The following EFCAB13 variants were observed in gnomAD, a reference collection of about 807,000 sequenced individuals.
The protein encoded by EFCAB13 is EF-hand calcium-binding domain-containing protein 13.
Under a neutral mutation model 110.2 loss-of-function variants are expected in EFCAB13, and 91 were observed. The ratio of observed to expected loss-of-function variants is 0.83; its 90% confidence interval spans 0.70 to 0.98. The LOEUF (loss-of-function observed/expected upper bound fraction) is 0.98. Among genes scored for constraint, EFCAB13 ranks in the 50% least tolerant of loss-of-function variants. The probability of loss-of-function intolerance (pLI) is 0.00; values close to 1 mark genes in which losing one functional copy is unlikely to be tolerated. For missense variants in EFCAB13, 968 were observed against 1,119.4 expected (o/e 0.86, Z 1.93); for synonymous variants, 323 against 369.9 (o/e 0.87, Z 1.45).
intron 14 of EFCAB13, among the ~76,000 whole-genome samples, chr17:47,387,725 A>G (rs1842121751): frequency 6.6e-6 from 1 of 152,164 alleles, no homozygotes; most frequent in Admixed American, 6.5e-5. Flanking sequence ...TTCCTTGTGG[A>G]CATATGTCTA....
In EFCAB13 at chr17:47,380,533, A is replaced by G. The variant is rs2065641498; in HGVS notation, c.1582+1280A>G. On this transcript the variant is annotated intron_variant, in intron 14 of 24. Coordinates refer to ENST00000331493, the MANE Select transcript of EFCAB13 (RefSeq NM_152347.5). ...CTTTGCTATTGTGAACAGCACTGCA[A>G]TAAACATACATGTGCATGTGTCTTT... Among the ~76,000 whole-genome samples, 4 of 152,224 alleles carry G rather than the reference A, an allele frequency of 2.6e-5. No homozygotes were observed. The South Asian group carries it at 8.3e-4, about 31-fold the overall frequency.
intron 14 of EFCAB13, among the ~76,000 whole-genome samples, chr17:47,388,580 T>C (rs903107635): frequency 1.3e-5 from 2 of 152,206 alleles, no homozygotes; most frequent in Non-Finnish European, 2.9e-5. Context: ...TATGTATCGG[T>C]AGTTCATCCC....
At chr17:47,384,766 C>T (rs1038862341) in intron 14 of EFCAB13, among the ~76,000 whole-genome samples, 1 of 151,648 alleles carries the variant, frequency 6.6e-6, no homozygotes, top group Non-Finnish European at 1.5e-5. Flanking sequence ...CTCTGGCTGC[C>T]CTTAACTTTT....
chr17:47,423,705 C>T (rs1000825632), intron 23 of EFCAB13, among the ~76,000 whole-genome samples: 9 of 151,664 alleles, frequency 5.9e-5, no homozygotes, highest in Non-Finnish European at 1.0e-4. Context: ...GTTGGGGCGC[C>T]GGGACCCGCG....
intron 13 of EFCAB13, among the ~76,000 whole-genome samples, chr17:47,378,126 G>A (rs1476409251): frequency 6.6e-6 from 1 of 152,162 alleles, no homozygotes; most frequent in African/African-American, 2.4e-5. Flanking sequence ...GATCATTTCA[G>A]TAAAGCTCTT....
chr17:47,337,344 A>G (rs890373646), intron 5 of EFCAB13, among the ~76,000 whole-genome samples: 3 of 152,204 alleles, frequency 2.0e-5, no homozygotes, highest in Non-Finnish European at 4.4e-5. Context: ...ACAGAGTAGA[A>G]TAATAGACAT....
At chr17:47,430,101 T>C in intron 24 of EFCAB13, 140 bp downstream of exon 24, 1 of 1,328,094 alleles carries the variant, frequency 7.5e-7, no homozygotes, top group Non-Finnish European at 9.7e-7. Context: ...GTACTGCCCC[T>C]ACAGGTGTGC....
At chr17:47,369,366 C>T (rs1309231986) in intron 10 of EFCAB13, among the ~76,000 whole-genome samples, 1 of 152,068 alleles carries the variant, frequency 6.6e-6, no homozygotes, top group Non-Finnish European at 1.5e-5. Flanking sequence ...GCGAGGAAAC[C>T]ATTGGCAATA....
intron 4 of EFCAB13, chr17:47,329,875 A>G (rs1244422597): frequency 6.6e-6 from 1 of 152,174 alleles, no homozygotes; most frequent in East Asian, 1.9e-4. Flanking sequence ...CAAGGCAGCA[A>G]ATCAAATTGC....
Position 47,394,083 on chromosome 17 carries a change from C to G in EFCAB13, c.1785C>G (p.Cys595Trp). ...ATACTATGATGAGCAACACGGAATGCTTCTCTGAAAAATTAGGTACGTAAG... is the reference window on the plus strand; with the variant it reads ...ATACTATGATGAGCAACACGGAATGGTTCTCTGAAAAATTAGGTACGTAAG... ...FIDTMMSNTECFSEKLVLPDA... is the reference protein window; with the variant it reads ...FIDTMMSNTEWFSEKLVLPDA... The change falls in exon 16 of 25, where the codon TGC (cysteine) becomes TGG (tryptophan). Residue 595 changes from cysteine to tryptophan, a missense_variant. By Grantham distance (215) the Cys-to-Trp change is radical. Transcript: ENST00000331493. The G allele has an allele frequency of 2.0e-6, 3 of 1,529,976 alleles. No individual in the cohort carries two copies. The highest frequency in any genetic ancestry group is 2.6e-6 in the Non-Finnish European group (3 of 1,141,506). 94.8% of individuals were successfully genotyped at this position (1,529,976 alleles called of 1,614,324 possible).
chr17:47,398,333 G>T (rs1458726803), intron 17 of EFCAB13, among the ~76,000 whole-genome samples: 2 of 150,320 alleles, frequency 1.3e-5, no homozygotes, highest in East Asian at 4.2e-4. Flanking sequence ...GAGCCCCTCT[G>T]CCCGGCCACC....
chr17:47,373,132 A>G (rs867983041), intron 11 of EFCAB13, among the ~76,000 whole-genome samples: 65 of 152,044 alleles, frequency 4.3e-4, no homozygotes, highest in Middle Eastern at 3.4e-3. Context: ...TATTCACCGC[A>G]GACTATATAT....
At chr17:47,339,765 C>T (rs2065373340) in intron 5 of EFCAB13, 1 of 149,354 alleles carries the variant, frequency 6.7e-6, no homozygotes, top group African/African-American at 2.5e-5. Flanking sequence ...TAAGAGAAAA[C>T]CAAACAATAA....
At chr17:47,395,589 A>G (rs1355620193) in intron 16 of EFCAB13, among the ~76,000 whole-genome samples, 3 of 152,140 alleles carry the variant, frequency 2.0e-5, no homozygotes, top group Non-Finnish European at 4.4e-5. Flanking sequence ...TATTATTTAT[A>G]ATGTTTATTC....
At chr17:47,422,085 T>G (rs1904739425) in intron 23 of EFCAB13, among the ~76,000 whole-genome samples, 1 of 152,162 alleles carries the variant, frequency 6.6e-6, no homozygotes, top group Non-Finnish European at 1.5e-5. Flanking sequence ...TAGTGATATA[T>G]AAAAAGGAAA....
chr17:47,429,914 C>G lies in EFCAB13; in HGVS notation c.2591C>G (p.Thr864Arg). 6.2e-7 allele frequency: 1 copy of G among 1,612,652 alleles called. No homozygotes were observed. Among genetic ancestry groups the G allele is most frequent in the Non-Finnish European group, 8.5e-7 (1 of 1,179,106 alleles). ...TTATTGATGGACAAGGACCTTCATA[C>G]AGCTAATGCTATACTTACTGTAATG... is the stretch of plus-strand genomic sequence containing the variant. Reference protein sequence around the residue: ...KTLLMDKDLHTANAILTVMLR... With the variant: ...KTLLMDKDLHRANAILTVMLR... The change falls in exon 24 of 25, where the codon ACA becomes AGA. Residue 864 changes from threonine (T) to arginine (R), a missense_variant. Coordinates refer to ENST00000331493, the MANE Select transcript of EFCAB13 (RefSeq NM_152347.5).
intron 15 of EFCAB13, among the ~76,000 whole-genome samples, chr17:47,392,320 A>T (rs1230427251): frequency 1.3e-5 from 2 of 152,220 alleles, no homozygotes; most frequent in Non-Finnish European, 2.9e-5. Flanking sequence ...TTCTCTAATT[A>T]ACTTATTTAT....
intron 23 of EFCAB13, among the ~76,000 whole-genome samples, chr17:47,424,872 A>ATTTTTTTTTTTTTTT (rs1459453287): frequency 7.3e-5 from 5 of 68,336 alleles, no homozygotes; most frequent in African/African-American, 1.4e-4. Flanking sequence ...CCGGTTGACA[A>ATTTTTTTTTTTTTTT]TCTTTTTTTT....
At chr17:47,332,327 A>C (rs2065324181) in intron 4 of EFCAB13, among the ~76,000 whole-genome samples, 1 of 152,140 alleles carries the variant, frequency 6.6e-6, no homozygotes, top group African/African-American at 2.4e-5. Flanking sequence ...TTTTGGGGGC[A>C]TAATGTAGTA....
Sources: gnomAD v4.1 joint callset for allele counts (sites outside exome capture counted in the v4.1 genomes callset) on GRCh38, gnomAD v4.1.1 for gene constraint, MANE v1.5 for transcripts, NCBI Gene and HGNC (gene_info 2026-07-23, HGNC 2026-07-21) for gene names.